FCHO2: variants seen among roughly 807,000 people sequenced by gnomAD.
The protein encoded by FCHO2 is FCH and mu domain containing endocytic adaptor 2.
In FCHO2, 43 loss-of-function variants were observed where a neutral mutation model predicts 114.1. The observed-to-expected ratio is 0.38, with a 90% CI of 0.30 to 0.49. The LOEUF (loss-of-function observed/expected upper bound fraction) is 0.49. Ranked by LOEUF, FCHO2 falls within the 20% of genes least tolerant of loss-of-function variation. FCHO2 has a pLI of 0.97. For missense variants in FCHO2, 807 were observed against 950.4 expected (o/e 0.85, Z 1.98); for synonymous variants, 293 against 315.2 (o/e 0.93, Z 0.75).
chr5:72,994,769 A>G (rs1753993656), intron 5 of FCHO2, among the ~76,000 whole-genome samples: 1 of 152,242 alleles, frequency 6.6e-6, no homozygotes, highest in African/African-American at 2.4e-5. Context: ...TCATTGTGGA[A>G]TACTATGCAG....
At chr5:73,012,789 C>T (rs1755092280) in intron 6 of FCHO2, among the ~76,000 whole-genome samples, 1 of 152,082 alleles carries the variant, frequency 6.6e-6, no homozygotes, top group Admixed American at 6.6e-5. Context: ...GCTTAGTAGT[C>T]ACTAATTTTG....
intron 1 of FCHO2, among the ~76,000 whole-genome samples, chr5:72,963,776 C>G (rs1196466402): frequency 2.0e-5 from 3 of 152,056 alleles, no homozygotes; most frequent in Non-Finnish European, 4.4e-5. Context: ...GTCTCAAACT[C>G]TTAGCCTCAA....
Position 73,071,155 on chromosome 5 carries a change from A to G in FCHO2, c.1579+2376A>G, listed in dbSNP as rs762358220. 9.9e-5 allele frequency among the ~76,000 whole-genome samples: 15 copies of G among 152,068 alleles called. 1 individual carries two copies. Among genetic ancestry groups the G allele is most frequent in the Non-Finnish European group, 1.9e-4 (13 of 67,984 alleles). On this transcript the variant is annotated intron_variant, in intron 19 of 25. Transcript: ENST00000430046. ...ATATCAAATCCCCAACTTGCTGAAT[A>G]GGATCCATTATATCAAATCCCCAAC...
chr5:73,084,223 C>G (rs888261700), intron 24 of FCHO2, among the ~76,000 whole-genome samples: 1 of 151,988 alleles, frequency 6.6e-6, no homozygotes, highest in Non-Finnish European at 1.5e-5. Flanking sequence ...TTTTAGTCTA[C>G]AATAACTTTT....
intron 2 of FCHO2, among the ~76,000 whole-genome samples, chr5:72,970,327 T>C (rs1408993128): frequency 7.9e-5 from 12 of 152,292 alleles, no homozygotes; most frequent in African/African-American, 2.6e-4. Context: ...ACTGCATACA[T>C]AGTACAAAGA....
rs184548762 is a variant in FCHO2 at position 73,020,117 on chromosome 5, A to G, written c.796+2809A>G. Among the ~76,000 whole-genome samples, 678 of 152,320 alleles carry G rather than the reference A, an allele frequency of 4.5e-3. 4 individuals are homozygous for G. Among genetic ancestry groups the G allele is most frequent in the African/African-American group, 0.015 (634 of 41,572 alleles). On this transcript the variant is annotated intron_variant, in intron 8 of 25. Coordinates refer to ENST00000430046, the MANE Select transcript of FCHO2 (RefSeq NM_138782.3). ...GAGGCCCATTTAATAATGAAGGTAA[A>G]TAAAAACTGCCAGACCCCTGAACTA...
rs1305021808 is a variant in FCHO2 at position 73,078,298 on chromosome 5, G to A, written c.1966G>A (p.Val656Ile). ...AGCTGCTTCTTATTATAATGTAGAT[G>A]TATTAAAGTATCAGGTGAGTGTCAC... ...NPAASYYNVD[V>I]LKYQVSSNGI... The change falls in exon 22 of 26, where the codon GTA becomes ATA. Residue 656 changes from valine to isoleucine, a missense_variant. Physicochemically the swap from Val to Ile is conservative, Grantham distance 29 (BLOSUM62 3). Transcript: ENST00000430046. The A allele has an allele frequency of 1.3e-5, 21 of 1,599,570 alleles. No individual in the cohort carries two copies. The highest frequency in any genetic ancestry group is 1.7e-5 in the Non-Finnish European group (20 of 1,174,306).
chr5:72,987,893 G>A (rs777105124), intron 2 of FCHO2, among the ~76,000 whole-genome samples: 2 of 152,118 alleles, frequency 1.3e-5, no homozygotes, highest in Non-Finnish European at 2.9e-5. Flanking sequence ...AGAGTTTGGA[G>A]ATTAGTTTAG....
chr5:72,999,487 A>G (rs1015170542), intron 5 of FCHO2, among the ~76,000 whole-genome samples: 2 of 148,244 alleles, frequency 1.3e-5, no homozygotes, highest in African/African-American at 5.0e-5. Context: ...GATTCAAGCC[A>G]TTCTCTTGCC....
chr5:72,977,020 T>A (rs1024147027), intron 2 of FCHO2, among the ~76,000 whole-genome samples: 7 of 152,214 alleles, frequency 4.6e-5, no homozygotes, highest in African/African-American at 7.2e-5. Context: ...TTATCCAGTC[T>A]GTGATTGATG....
chr5:73,076,053 G>C lies in FCHO2; in HGVS notation c.1691+1200G>C, dbSNP rs114978415. Among the ~76,000 whole-genome samples, 1,161 of 152,230 alleles carry C rather than the reference G, an allele frequency of 7.6e-3. 13 individuals carry two copies. Among genetic ancestry groups the C allele is most frequent in the African/African-American group, 0.027 (1,112 of 41,534 alleles). Reference sequence around the variant, plus strand: ...GTTTAGAAAACAGGAAGATGAGAATGATTTAACAAAGGAATTTGAGAGAGC... The same window carrying C: ...GTTTAGAAAACAGGAAGATGAGAATCATTTAACAAAGGAATTTGAGAGAGC... On this transcript the variant is annotated intron_variant, in intron 20 of 25. Transcript: ENST00000430046.
At chr5:73,083,528 G>A (rs1743192173) in intron 24 of FCHO2, among the ~76,000 whole-genome samples, 1 of 152,154 alleles carries the variant, frequency 6.6e-6, no homozygotes, top group Admixed American at 6.5e-5. Context: ...ATTTAACACA[G>A]TTTAGTTCAT....
intron 5 of FCHO2, among the ~76,000 whole-genome samples, chr5:72,991,319 C>T (rs1399925025): frequency 6.6e-6 from 1 of 152,216 alleles, no homozygotes; most frequent in Non-Finnish European, 1.5e-5. Context: ...CCACCTTGGC[C>T]TCCCCAAGTG....
At chr5:73,004,935 T>A (rs1463011557) in intron 5 of FCHO2, among the ~76,000 whole-genome samples, 4 of 152,130 alleles carry the variant, frequency 2.6e-5, no homozygotes, top group Non-Finnish European at 4.4e-5. Context: ...TAATACAGAG[T>A]CTGTACCATC....
chr5:73,026,055 G>A (rs1040849736), intron 8 of FCHO2, among the ~76,000 whole-genome samples: 4 of 152,118 alleles, frequency 2.6e-5, no homozygotes, highest in Non-Finnish European at 5.9e-5. Flanking sequence ...CAGCACTTTC[G>A]GAGGCCGAGG....
intron 17 of FCHO2, among the ~76,000 whole-genome samples, chr5:73,059,055 A>T (rs191522472): frequency 1.2e-3 from 181 of 152,278 alleles, no homozygotes; most frequent in Non-Finnish European, 2.0e-3. Context: ...GAAGTTGATA[A>T]ATGTTTTTTA....
At chr5:73,020,705 G>T in intron 8 of FCHO2, 3 of 1,210,758 alleles carry the variant, frequency 2.5e-6, no homozygotes, top group Non-Finnish European at 3.7e-6. Context: ...CTTTAGTGAA[G>T]AAATTGGATG....
intron 18 of FCHO2, among the ~76,000 whole-genome samples, chr5:73,065,770 C>G (rs904452326): frequency 6.6e-6 from 1 of 151,926 alleles, no homozygotes; most frequent in African/African-American, 2.4e-5. Context: ...TTAGGGGATA[C>G]AAGTGCAGAT....
At chr5:73,025,375 A>ATT (rs367615996) in intron 8 of FCHO2, among the ~76,000 whole-genome samples, 67 of 100,488 alleles carry the variant, frequency 6.7e-4, no homozygotes, top group Admixed American at 1.3e-3. Flanking sequence ...CACCCAGCTA[A>ATT]TTTTTTTTTT....
Sources: allele counts gnomAD v4.1 joint callset (sites outside exome capture counted in the v4.1 genomes callset), GRCh38; gene constraint gnomAD v4.1.1; transcripts MANE v1.5; gene names NCBI Gene and HGNC (gene_info 2026-07-23, HGNC 2026-07-21).